The following PTPN4 variants were observed in gnomAD, a reference collection of about 807,000 sequenced individuals.
PTPN4 encodes tyrosine-protein phosphatase non-receptor type 4.
Under a neutral mutation model 135.5 loss-of-function variants are expected in PTPN4, and 49 were observed. The observed-to-expected ratio is 0.36, with a 90% CI of 0.29 to 0.46. PTPN4 has a LOEUF of 0.46. Among genes scored for constraint, PTPN4 ranks in the 20% least tolerant of loss-of-function variants. The pLI is 1.00. For missense variants in PTPN4, 860 were observed against 1,101.0 expected (o/e 0.78, Z 3.10); for synonymous variants, 333 against 369.9 (o/e 0.90, Z 1.14).
At chr2:119,862,691 G>C in intron 3 of PTPN4, 48 bp downstream of exon 3, 2 of 1,481,394 alleles carry the variant, frequency 1.4e-6, no homozygotes, top group Non-Finnish European at 1.9e-6. Context: ...TTTCCTCTCA[G>C]TTTAGTGTAG....
intron 15 of PTPN4, among the ~76,000 whole-genome samples, chr2:119,940,527 C>T (rs1679045738): frequency 6.6e-6 from 1 of 152,110 alleles, no homozygotes; most frequent in African/African-American, 2.4e-5. Context: ...GCAATTATAG[C>T]TCACCACAGC....
chr2:119,809,811 A>C (rs765119253), intron 1 of PTPN4, 26 bp from the exon 2 acceptor site: 1 of 1,518,718 alleles, frequency 6.6e-7, no homozygotes, highest in Non-Finnish European at 8.9e-7. Flanking sequence ...CCTTTTATTT[A>C]GTGAATTTTT....
At chr2:119,839,168 G>A (rs763351991) in intron 2 of PTPN4, among the ~76,000 whole-genome samples, 1 of 151,928 alleles carries the variant, frequency 6.6e-6, no homozygotes, top group Non-Finnish European at 1.5e-5. Context: ...ATTTTAATTA[G>A]TTTTCATTCC....
chr2:119,918,277 G>A (rs1472218648), intron 11 of PTPN4, among the ~76,000 whole-genome samples: 1 of 152,032 alleles, frequency 6.6e-6, no homozygotes, highest in Non-Finnish European at 1.5e-5. Context: ...ACCTTTTGAT[G>A]GGCAAGAATT....
At chr2:119,952,294 C>G (rs1319232057) in intron 19 of PTPN4, among the ~76,000 whole-genome samples, 165 bp downstream of exon 19, 1 of 152,048 alleles carries the variant, frequency 6.6e-6, no homozygotes, top group Non-Finnish European at 1.5e-5. Flanking sequence ...TCTTTGCCCC[C>G]CCACCCCTTG....
At chr2:119,943,843 C>T (rs191788204) in intron 15 of PTPN4, among the ~76,000 whole-genome samples, 12 of 151,964 alleles carry the variant, frequency 7.9e-5, no homozygotes, top group East Asian at 5.8e-4. Context: ...CCGCCCACCC[C>T]GGCCTCCCAA....
rs185951259 is a variant in PTPN4, at chr2:119,878,979, G to C, written c.368+1437G>C. ...GTGGTGGCAGGCGCCTGTAGTCCCAGCTACTGGGGAGGCTGAGGCAGGAGA... is the reference window on the plus strand; with the variant it reads ...GTGGTGGCAGGCGCCTGTAGTCCCACCTACTGGGGAGGCTGAGGCAGGAGA... On this transcript the variant is annotated intron_variant, in intron 5 of 26. Transcript: ENST00000263708. Among the ~76,000 whole-genome samples, 487 of 151,676 alleles carry C rather than the reference G, an allele frequency of 3.2e-3. 2 individuals are homozygous for C. Among genetic ancestry groups the C allele is most frequent in the African/African-American group, 0.011 (460 of 41,374 alleles).
intron 2 of PTPN4, among the ~76,000 whole-genome samples, chr2:119,838,198 T>C (rs1318240268): frequency 6.6e-6 from 1 of 152,180 alleles, no homozygotes; most frequent in African/African-American, 2.4e-5. Flanking sequence ...TTTCTGGTTT[T>C]ATTGTTTGTT....
chr2:119,883,031 A>T (rs189958666), intron 8 of PTPN4, among the ~76,000 whole-genome samples: 181 of 152,244 alleles, frequency 1.2e-3, no homozygotes, highest in Non-Finnish European at 2.4e-3. Context: ...ATTAATTTTT[A>T]AAAAATATTT....
intron 2 of PTPN4, among the ~76,000 whole-genome samples, chr2:119,853,332 T>G (rs1449517469): frequency 6.6e-6 from 1 of 152,176 alleles, no homozygotes; most frequent in Non-Finnish European, 1.5e-5. Flanking sequence ...TATTTTCTGT[T>G]TGTTCTGCTT....
intron 9 of PTPN4, among the ~76,000 whole-genome samples, chr2:119,900,173 G>C (rs1375293513): frequency 6.6e-6 from 1 of 151,848 alleles, no homozygotes; most frequent in Non-Finnish European, 1.5e-5. Context: ...GTTATTCTCC[G>C]GGGTCTTCTA....
chr2:119,848,125 A>G lies in PTPN4; in HGVS notation c.139-14411A>G, dbSNP rs537178558. Among the ~76,000 whole-genome samples the G allele has an allele frequency of 1.2e-3, 187 of 149,840 alleles. 1 individual carries two copies. The highest frequency in any genetic ancestry group is 2.2e-3 in the Admixed American group (33 of 15,088). On this transcript the variant is annotated intron_variant, in intron 2 of 26. Transcript: ENST00000263708. Reference sequence around the variant, plus strand: ...ATGAGTAGATTAGTGTTTTTCATCAAATTTGGGAAGTTCACATCCACATTT... The same window carrying G: ...ATGAGTAGATTAGTGTTTTTCATCAGATTTGGGAAGTTCACATCCACATTT...
chr2:119,778,766 C>T (rs908066417), intron 1 of PTPN4, among the ~76,000 whole-genome samples: 1 of 152,066 alleles, frequency 6.6e-6, no homozygotes, highest in Non-Finnish European at 1.5e-5. Context: ...CATTGTAATT[C>T]TTTATTCTTA....
At chr2:119,836,136 C>G (rs1330254904) in intron 2 of PTPN4, among the ~76,000 whole-genome samples, 1 of 151,918 alleles carries the variant, frequency 6.6e-6, no homozygotes, top group Non-Finnish European at 1.5e-5. Context: ...TTTTTAGACA[C>G]TTAAAAATAA....
intron 2 of PTPN4, among the ~76,000 whole-genome samples, chr2:119,857,606 C>G (rs1368782744): frequency 2.0e-5 from 3 of 151,326 alleles, no homozygotes; most frequent in Non-Finnish European, 4.4e-5. Context: ...TTACCGAGGA[C>G]TCCTTACCCT....
At chr2:119,942,746 TA>T (rs1679078639) in intron 15 of PTPN4, among the ~76,000 whole-genome samples, 1 of 152,216 alleles carries the variant, frequency 6.6e-6, no homozygotes, top group South Asian at 2.1e-4. Flanking sequence ...TAAGTTCTGC[TA>T]AGGGATGTCC....
intron 9 of PTPN4, 90 bp from the exon 10 acceptor site, chr2:119,900,628 G>T: frequency 1.3e-6 from 1 of 767,836 alleles, no homozygotes; most frequent in Non-Finnish European, 1.9e-6. Flanking sequence ...GCAATGTTTA[G>T]TTTTAAAAAT....
intron 9 of PTPN4, among the ~76,000 whole-genome samples, chr2:119,898,202 CAG>C (rs1348253556): frequency 1.3e-5 from 2 of 152,128 alleles, no homozygotes; most frequent in African/African-American, 4.8e-5. Context: ...GTTTAAGAAA[CAG>C]ATAAATATGA....
chr2:119,875,873 A>G lies in PTPN4; in HGVS notation c.247-1450A>G, dbSNP rs867105484. Among the ~76,000 whole-genome samples the G allele has an allele frequency of 1.2e-4, 18 of 152,298 alleles. 1 individual carries two copies. Among genetic ancestry groups the G allele is most frequent in the Middle Eastern group, 3.4e-3 (1 of 294 alleles). On this transcript the variant is annotated intron_variant, in intron 3 of 26. Coordinates refer to ENST00000263708, the MANE Select transcript of PTPN4 (RefSeq NM_002830.4). ...CAGACAAAAAAAGACAAAAGGTGAA[A>G]CAAACTTAATTGAGGTAATGTAATG...
Sources: gnomAD v4.1 joint callset for allele counts (sites outside exome capture counted in the v4.1 genomes callset) on GRCh38, gnomAD v4.1.1 for gene constraint, MANE v1.5 for transcripts, NCBI Gene and HGNC (gene_info 2026-07-23, HGNC 2026-07-21) for gene names.